The following MLLT1 variants were observed in gnomAD, a reference collection of about 807,000 sequenced individuals.
The protein encoded by MLLT1 is protein ENL.
A neutral mutation model predicts 55.1 loss-of-function variants in MLLT1; 11 were observed. The ratio of observed to expected loss-of-function variants is 0.20; its 90% confidence interval spans 0.13 to 0.33. MLLT1 has a LOEUF of 0.33. Ranked by LOEUF, MLLT1 falls within the 10% of genes least tolerant of loss-of-function variation. MLLT1 has a pLI of 1.00. For missense variants in MLLT1, 536 were observed against 760.6 expected (o/e 0.70, Z 3.47); for synonymous variants, 323 against 320.1 (o/e 1.01, Z -0.10).
At position 6,230,942 on chromosome 19, in the gene MLLT1, G is replaced by A. The variant is rs1278557615; in HGVS notation, c.277-229C>T. Among the ~76,000 whole-genome samples the A allele has an allele frequency of 6.6e-6, 1 of 152,290 alleles. No individual in the cohort carries two copies. Among genetic ancestry groups the A allele is most frequent in the Admixed American group, 6.5e-5 (1 of 15,296 alleles). On this transcript the variant is annotated intron_variant, in intron 3 of 11. Transcript: ENST00000252674. This position sits in a 1 kb window ranked among gnomAD's most constrained non-coding sequence, Gnocchi z 9.0. Reference sequence around the variant, plus strand: ...TTGCAGGCCCCATGGCAGAAAGAAAGCTCATTCATAGCCATGCTCTCGGAC... The same window carrying A: ...TTGCAGGCCCCATGGCAGAAAGAAAACTCATTCATAGCCATGCTCTCGGAC...
At chr19:6,232,716 G>A (rs2091023548) in intron 3 of MLLT1, among the ~76,000 whole-genome samples, 1 of 152,228 alleles carries the variant, frequency 6.6e-6, no homozygotes, top group Non-Finnish European at 1.5e-5. Context: ...AAGTGCAGGA[G>A]TGGCTCTAAC....
intron 3 of MLLT1, among the ~76,000 whole-genome samples, chr19:6,244,625 A>G (rs1034177508): frequency 1.3e-5 from 2 of 152,256 alleles, no homozygotes; most frequent in Non-Finnish European, 2.9e-5. Flanking sequence ...TACTATTAAG[A>G]GAATGAGAAG....
rs1394173711 is a variant in MLLT1, at chr19:6,230,654, C to T, written c.336G>A (p.Pro112=). The part of the protein sequence containing the change: ...YDLFLNLEGN[P]PVNHLRCEKL... ...TCTCGCAGCGCAGGTGGTTCACGGG[C>T]GGGTTGCCTTCCAGGTTCAGGAACA... Residue 112 remains proline, a synonymous_variant, in exon 4 of 12, where the codon CCG becomes CCA. Coordinates refer to ENST00000252674, the MANE Select transcript of MLLT1 (RefSeq NM_005934.4). This position sits in a 1 kb window ranked among gnomAD's most constrained non-coding sequence, Gnocchi z 9.0. 9.9e-6 allele frequency: 16 copies of T among 1,613,970 alleles called. No individual in the cohort carries two copies. Among genetic ancestry groups the T allele is most frequent in the African/African-American group, 5.3e-5 (4 of 74,930 alleles).
rs2090829851 is a variant in MLLT1, at chr19:6,215,310, C to T, written c.1307+1095G>A. ...AGAACCGAACCTTCCGTCAGCCTCT[C>T]TGCGCTCACGGCTCTTGGCGCAAGC... is the stretch of plus-strand genomic sequence containing the variant. On this transcript the variant is annotated intron_variant, in intron 8 of 11. Transcript: ENST00000252674. Among the ~76,000 whole-genome samples, 3 of 152,266 alleles carry T rather than the reference C, an allele frequency of 2.0e-5. No homozygotes were observed. In the South Asian group the frequency reaches 6.2e-4, roughly 31 times the overall value.
intron 1 of MLLT1, among the ~76,000 whole-genome samples, chr19:6,279,068 G>A (rs1001270081): frequency 1.3e-5 from 2 of 152,038 alleles, no homozygotes; most frequent in Admixed American, 1.3e-4. Context: ...AGGATCAGAC[G>A]GGAGAGAAGG....
Position 6,268,685 on chromosome 19 carries a change from G to C in MLLT1, c.193+1894C>G, listed in dbSNP as rs1218325339. 2.0e-5 allele frequency among the ~76,000 whole-genome samples: 3 copies of C among 152,052 alleles called. No individual in the cohort carries two copies. In the South Asian group the frequency reaches 6.2e-4, roughly 32 times the overall value. On this transcript the variant is annotated intron_variant, in intron 2 of 11. Coordinates refer to ENST00000252674, the MANE Select transcript of MLLT1 (RefSeq NM_005934.4). ...ACTTTCTGATACATTTGATGGGGCCGCTATCTGCCTCCAGGCCCCACAGAC... is the reference window on the plus strand; with the variant it reads ...ACTTTCTGATACATTTGATGGGGCCCCTATCTGCCTCCAGGCCCCACAGAC...
In MLLT1 at chr19:6,229,387, G is replaced by A. The variant is rs1206859198; in HGVS notation, c.420+1183C>T. Among the ~76,000 whole-genome samples, 3 of 151,894 alleles carry A rather than the reference G, an allele frequency of 2.0e-5. No individual in the cohort carries two copies. The highest frequency in any genetic ancestry group is 7.3e-5 in the African/African-American group (3 of 41,308). On this transcript the variant is annotated intron_variant, in intron 4 of 11. Transcript: ENST00000252674. The surrounding 1 kb of genome is among the most constrained non-coding windows in gnomAD (Gnocchi z 5.2). ...GACGCCTCCTTCTTCTTAGGAGAAC[G>A]ACGGCCACCAAGGACCTGACCATGC... is the stretch of plus-strand genomic sequence containing the variant.
At chr19:6,254,386 C>G (rs1435503134) in intron 3 of MLLT1, among the ~76,000 whole-genome samples, 4 of 152,194 alleles carry the variant, frequency 2.6e-5, no homozygotes, top group Admixed American at 1.3e-4. Context: ...AAATGTTTTC[C>G]TGAGTTCTGT....
intron 7 of MLLT1, 21 bp downstream of exon 7, chr19:6,217,933 C>A (rs201499204): frequency 5.7e-6 from 9 of 1,588,066 alleles, no homozygotes; most frequent in Non-Finnish European, 6.8e-6. Flanking sequence ...TCCGTGCCCC[C>A]CAGCTGCTCT....
At chr19:6,217,330 G>A (rs543976218) in intron 7 of MLLT1, among the ~76,000 whole-genome samples, 2 of 152,332 alleles carry the variant, frequency 1.3e-5, no homozygotes, top group South Asian at 2.1e-4. Flanking sequence ...GAGTGGAAAC[G>A]CTTTTTGCCT....
chr19:6,216,586 T>A, intron 7 of MLLT1, 73 bp from the exon 8 acceptor site: 1 of 1,102,536 alleles, frequency 9.1e-7, no homozygotes, highest in Non-Finnish European at 1.3e-6. Flanking sequence ...CCCTCGCCCA[T>A]GAGGCCACGC....
Position 6,262,138 on chromosome 19 carries a change from G to T in MLLT1, c.276+90C>A. ...AATGTCTGTGCATGGGCAGCGGCCAGTTCTCTGGCCTGTTTTGTGAACTGC... is the reference window on the plus strand; with the variant it reads ...AATGTCTGTGCATGGGCAGCGGCCATTTCTCTGGCCTGTTTTGTGAACTGC... On this transcript the variant is annotated intron_variant, in intron 3 of 11. Coordinates refer to ENST00000252674, the MANE Select transcript of MLLT1 (RefSeq NM_005934.4). This position sits in a 1 kb window ranked among gnomAD's most constrained non-coding sequence, Gnocchi z 4.4. 9.8e-7 allele frequency: 1 copy of T among 1,015,958 alleles called. No homozygotes were observed. The highest frequency in any genetic ancestry group is 1.6e-5 in the African/African-American group (1 of 63,632). The allele number at this position is 1,015,958 out of a possible 1,614,324, so 62.9% of individuals were successfully genotyped here. A position where few individuals can be genotyped will look rare whatever the true frequency, so the allele number is the denominator to read the frequency against.
intron 3 of MLLT1, among the ~76,000 whole-genome samples, chr19:6,239,839 T>C (rs1014420205): frequency 6.6e-6 from 1 of 152,190 alleles, no homozygotes; most frequent in Non-Finnish European, 1.5e-5. Flanking sequence ...CACAGAGAAC[T>C]GTTTTGGCAG....
In MLLT1 at chr19:6,212,848, C is replaced by T. The variant is rs2090793823; in HGVS notation, c.*194G>A. On this transcript the variant is annotated 3_prime_UTR_variant, in exon 12 of 12. Coordinates refer to ENST00000252674, the MANE Select transcript of MLLT1 (RefSeq NM_005934.4). ...CGGCTCCCGTGTGGCCCAGCCCGGC[C>T]CCAGGGCTCCTGGCGATGGAGCGGG... The T allele has an allele frequency of 5.3e-6, 5 of 945,412 alleles. No homozygotes were observed. Among genetic ancestry groups the T allele is most frequent in the Admixed American group, 3.3e-5 (1 of 30,346 alleles). The allele number at this position is 945,412 out of a possible 1,614,324, so 58.6% of individuals were successfully genotyped here.
At chr19:6,274,288 G>C (rs193041411) in intron 1 of MLLT1, among the ~76,000 whole-genome samples, 3 of 152,384 alleles carry the variant, frequency 2.0e-5, no homozygotes, top group African/African-American at 4.8e-5. Context: ...CGGGAGGCAA[G>C]AAGTGGAGCC....
chr19:6,248,580 C>T (rs1244036172), intron 3 of MLLT1, among the ~76,000 whole-genome samples: 4 of 152,194 alleles, frequency 2.6e-5, no homozygotes, highest in Admixed American at 6.5e-5. Context: ...ACGGACTAGC[C>T]ATGAGAAAAC....
chr19:6,236,370 G>C (rs908224259), intron 3 of MLLT1, among the ~76,000 whole-genome samples: 1 of 152,216 alleles, frequency 6.6e-6, no homozygotes, highest in African/African-American at 2.4e-5. Context: ...GAATCAGACA[G>C]GGGATCTGGG....
intron 1 of MLLT1, among the ~76,000 whole-genome samples, chr19:6,274,309 C>T (rs76937304): frequency 0.045 from 6,884 of 152,314 alleles, 176 homozygotes; most frequent in South Asian, 0.065. Context: ...CCGGCCAACG[C>T]GTTTGACTTG....
At position 6,222,189 on chromosome 19, in the gene MLLT1, G is replaced by A. The variant is rs748081218; in HGVS notation, c.1042C>T (p.Arg348Trp). The A allele has an allele frequency of 1.7e-5, 27 of 1,597,982 alleles. No individual in the cohort carries two copies. Among genetic ancestry groups the A allele is most frequent in the African/African-American group, 4.0e-5 (3 of 74,160 alleles). The change falls in exon 6 of 12, where the codon CGG (arginine) becomes TGG (tryptophan). Residue 348 changes from arginine to tryptophan, a missense_variant. Arg to Trp is a moderately radical substitution (Grantham distance 101, BLOSUM62 -3). Transcript: ENST00000252674. This position sits in a 1 kb window ranked among gnomAD's most constrained non-coding sequence, Gnocchi z 4.1. ...GEKVKAESEP[R>W]EAKKALEVEE... ...ACCTCCAGGGCCTTTTTGGCCTCCC[G>A]GGGCTCACTCTCGGCCTTCACCTTC...
Sources: gnomAD v4.1 joint callset for allele counts (sites outside exome capture counted in the v4.1 genomes callset) on GRCh38, gnomAD v4.1.1 for gene constraint, Gnocchi (gnomAD v3.1) non-coding constraint, MANE v1.5 for transcripts, NCBI Gene and HGNC (gene_info 2026-07-23, HGNC 2026-07-21) for gene names.